RNF141: variants seen among roughly 807,000 people sequenced by gnomAD.
RNF141 encodes ring finger protein 141.
RNF141 carries 18 observed loss-of-function variants against 27.4 expected under a neutral mutation model. That is an observed-to-expected ratio of 0.66 (90% CI 0.45 to 0.97). The LOEUF is 0.97. Among genes scored for constraint, RNF141 ranks in the 50% least tolerant of loss-of-function variants. The pLI, the probability that RNF141 is intolerant of heterozygous loss-of-function variation, is 0.00. For synonymous variants in RNF141, 97 were observed against 96.6 expected, an observed-to-expected ratio of 1.00 and a Z score of -0.02; for missense variants, 230 against 279.4, an observed-to-expected ratio of 0.82 and a Z score of 1.26.
At chr11:10,516,175 T>G (rs1281053714) in intron 5 of RNF141, 2 of 152,248 alleles carry the variant, frequency 1.3e-5, no homozygotes, top group East Asian at 3.8e-4. Flanking sequence ...TCTTCAGAGG[T>G]ATTTTACAAG....
intron 5 of RNF141, chr11:10,518,807 A>G (rs1849862755): frequency 2.5e-6 from 1 of 398,186 alleles, no homozygotes; most frequent in Non-Finnish European, 4.5e-6. Flanking sequence ...ATTTTCATAC[A>G]GCAAAAGAAA....
In RNF141 at chr11:10,537,162, C is replaced by T. The variant is rs1176702957; in HGVS notation, c.-47-2957G>A. 3.3e-5 allele frequency among the ~76,000 whole-genome samples: 5 copies of T among 152,138 alleles called. No individual in the cohort carries two copies. The East Asian group carries it at 9.6e-4, about 29-fold the overall frequency. On this transcript the variant is annotated intron_variant, in intron 1 of 5. Coordinates refer to ENST00000265981, the MANE Select transcript of RNF141 (RefSeq NM_016422.4). Reference sequence around the variant, plus strand: ...AGATTTCAGTTGATGATAAGCATGTCGCACCATCCAGAAGTGGAAATGGCT... The same window carrying T: ...AGATTTCAGTTGATGATAAGCATGTTGCACCATCCAGAAGTGGAAATGGCT...
intron 3 of RNF141, among the ~76,000 whole-genome samples, chr11:10,526,013 G>T (rs998583724): frequency 1.3e-5 from 2 of 152,122 alleles, no homozygotes; most frequent in East Asian, 3.9e-4. Flanking sequence ...GAAGATACTT[G>T]GGGCAAGCAG....
intron 1 of RNF141, among the ~76,000 whole-genome samples, chr11:10,537,108 T>C (rs1850044313): frequency 6.6e-6 from 1 of 152,232 alleles, no homozygotes; most frequent in African/African-American, 2.4e-5. Flanking sequence ...GGATGGCCAC[T>C]AAGTATAGTA....
At position 10,529,956 on chromosome 11, in the gene RNF141, T is replaced by C. The variant is rs78611131; in HGVS notation, c.252+687A>G. The stretch of plus-strand genomic sequence containing the variant: ...AAAATCTCCTAACCCAGGGAATCTT[T>C]ATGGGTCAGTCGGGAATGAACTTCA... On this transcript the variant is annotated intron_variant, in intron 3 of 5. Transcript: ENST00000265981. 7.8e-3 allele frequency among the ~76,000 whole-genome samples: 1,187 copies of C among 152,296 alleles called. 14 individuals are homozygous for C. The highest frequency in any genetic ancestry group is 0.027 in the African/African-American group (1,109 of 41,546).
Position 10,519,117 on chromosome 11 carries a change from C to T in RNF141, c.459G>A (p.Glu153=). The part of the protein sequence containing the change: ...MGRVKQLTDE[E]ECCICMDGRA... ...GCCCATCCATACAGATACAACACTC[C>T]TCCTCATCGGTCAGCTGCTTCACCC... The change falls in exon 5 of 6, where the codon GAG becomes GAA. Residue 153 remains glutamate (E), a synonymous_variant. Transcript: ENST00000265981. The T allele has an allele frequency of 6.2e-7, 1 of 1,613,982 alleles. No individual in the cohort carries two copies. The highest frequency in any genetic ancestry group is 8.5e-7 in the Non-Finnish European group (1 of 1,179,912).
intron 1 of RNF141, among the ~76,000 whole-genome samples, chr11:10,535,986 A>G (rs1850031479): frequency 6.6e-6 from 1 of 152,198 alleles, no homozygotes; most frequent in Non-Finnish European, 1.5e-5. Flanking sequence ...TGTTCTGGAG[A>G]TAAAACAGTG....
intron 5 of RNF141, chr11:10,515,272 G>T (rs965457467): frequency 5.2e-6 from 3 of 579,478 alleles, no homozygotes; most frequent in Non-Finnish European, 8.9e-6. Flanking sequence ...TTCCTCCAGA[G>T]ATAGACTAAG....
intron 4 of RNF141, among the ~76,000 whole-genome samples, chr11:10,522,237 G>A (rs1223823723): frequency 1.3e-5 from 2 of 152,196 alleles, no homozygotes; most frequent in Non-Finnish European, 2.9e-5. Flanking sequence ...CAGTAGCAGA[G>A]AATATAACTG....
At chr11:10,515,742 C>A (rs959865997) in intron 5 of RNF141, 4 of 152,146 alleles carry the variant, frequency 2.6e-5, no homozygotes, top group African/African-American at 9.7e-5. Context: ...ATCTACATGA[C>A]TTTCAACAAT....
chr11:10,521,201 A>G (rs1348233617), intron 4 of RNF141, among the ~76,000 whole-genome samples: 1 of 152,224 alleles, frequency 6.6e-6, no homozygotes, highest in Non-Finnish European at 1.5e-5. Flanking sequence ...TTGTGAGTTT[A>G]GTAAGCTCCA....
At chr11:10,524,114 T>TA (rs996938897) in intron 4 of RNF141, among the ~76,000 whole-genome samples, 12 of 150,824 alleles carry the variant, frequency 8.0e-5, no homozygotes, top group Middle Eastern at 3.4e-3. Flanking sequence ...AATAGAGCAG[T>TA]AAAAAAAAAG....
In RNF141 at chr11:10,519,031, T is replaced by G. The variant is rs1257965911; in HGVS notation, c.542+3A>C. On this transcript the variant is annotated splice_donor_region_variant and intron_variant, in intron 5 of 5. Transcript: ENST00000265981. ...CAGCCCATGAATGCAGTAGGTAACTTACCATTTATCAATACACTTCTGACA... is the reference window on the plus strand; with the variant it reads ...CAGCCCATGAATGCAGTAGGTAACTGACCATTTATCAATACACTTCTGACA... 2 of 1,612,736 alleles carry G rather than the reference T, an allele frequency of 1.2e-6. No individual in the cohort carries two copies. Among genetic ancestry groups the G allele is most frequent in the East Asian group, 2.2e-5 (1 of 44,876 alleles).
intron 5 of RNF141, chr11:10,516,492 C>A (rs1849843902): frequency 6.6e-6 from 1 of 152,216 alleles, no homozygotes; most frequent in African/African-American, 2.4e-5. Flanking sequence ...ACACACAGAG[C>A]TGAGAATCTT....
intron 1 of RNF141, among the ~76,000 whole-genome samples, chr11:10,537,909 GT>G (rs1850052111): frequency 6.6e-6 from 1 of 152,208 alleles, no homozygotes; most frequent in Admixed American, 6.5e-5. Context: ...TCACATGGCT[GT>G]TTTATCTCCA....
intron 5 of RNF141, chr11:10,518,739 A>G: frequency 3.8e-6 from 1 of 266,340 alleles, no homozygotes. Context: ...TGTAGAAATG[A>G]GGAGAAAAAA....
chr11:10,520,743 C>G (rs1849881584), intron 4 of RNF141, among the ~76,000 whole-genome samples: 1 of 152,120 alleles, frequency 6.6e-6, no homozygotes, highest in South Asian at 2.1e-4. Context: ...CCAGCATCAC[C>G]AAGAACATTT....
intron 3 of RNF141, among the ~76,000 whole-genome samples, chr11:10,528,084 T>A (rs1849954245): frequency 6.6e-6 from 1 of 152,240 alleles, no homozygotes; most frequent in Admixed American, 6.5e-5. Context: ...AAATATTCCA[T>A]TTAAACATAA....
intron 5 of RNF141, 131 bp downstream of exon 5, chr11:10,518,903 T>C: frequency 1.7e-6 from 1 of 594,702 alleles, no homozygotes; most frequent in South Asian, 2.4e-5. Context: ...AGGCATGCCA[T>C]AAAATTCAAA....
Sources: allele counts gnomAD v4.1 joint callset (sites outside exome capture counted in the v4.1 genomes callset), GRCh38; gene constraint gnomAD v4.1.1; transcripts MANE v1.5; gene names NCBI Gene and HGNC (gene_info 2026-07-23, HGNC 2026-07-21).